The following MAP3K3 variants were observed in gnomAD, a reference collection of about 807,000 sequenced individuals.
MAP3K3 encodes the protein MAP/ERK kinase kinase 3.
MAP3K3 carries 12 observed loss-of-function variants against 80.9 expected under a neutral mutation model. The ratio of observed to expected loss-of-function variants is 0.15; its 90% CI spans 0.10 to 0.24. MAP3K3 has a LOEUF of 0.24. MAP3K3 is among the 10% of genes least tolerant of loss of function. The pLI is 1.00. For synonymous variants in MAP3K3, 272 were observed against 307.1 expected (o/e 0.89, Z 1.19); for missense variants, 596 against 834.7 (o/e 0.71, Z 3.52).
intron 5 of MAP3K3, among the ~76,000 whole-genome samples, chr17:63,663,968 C>T (rs991747833): frequency 1.1e-4 from 16 of 152,228 alleles, no homozygotes; most frequent in African/African-American, 3.9e-4. Context: ...TTAGGCCGGG[C>T]GCGGTGGCTC....
chr17:63,650,790 C>T (rs1454026466), intron 3 of MAP3K3, among the ~76,000 whole-genome samples: 1 of 151,276 alleles, frequency 6.6e-6, no homozygotes, highest in African/African-American at 2.4e-5. Context: ...CTCCTGGGCT[C>T]AAGTGATCCT....
chr17:63,645,975 A>G (rs754128532), intron 2 of MAP3K3, 59 bp from the exon 3 acceptor site: 16 of 1,407,914 alleles, frequency 1.1e-5, no homozygotes, highest in Admixed American at 3.4e-5. Flanking sequence ...TTACTTGGCA[A>G]TGGCAGGAGT....
chr17:63,660,511 CTG>C (rs1248464550), intron 5 of MAP3K3, among the ~76,000 whole-genome samples: 1 of 151,950 alleles, frequency 6.6e-6, no homozygotes. Flanking sequence ...CCATACCTGG[CTG>C]TTTCTCTTCT....
At chr17:63,683,879 G>A (rs571561880) in intron 7 of MAP3K3, among the ~76,000 whole-genome samples, 4 of 152,196 alleles carry the variant, frequency 2.6e-5, no homozygotes, top group East Asian at 3.9e-4. Context: ...ATGTCAGTCC[G>A]GTCGCAGTGG....
Position 63,693,813 on chromosome 17 carries a change from C to A in MAP3K3, c.*36C>A. 6.4e-7 allele frequency: 1 copy of A among 1,557,636 alleles called. No individual in the cohort carries two copies. Among genetic ancestry groups the A allele is most frequent in the East Asian group, 2.3e-5 (1 of 42,580 alleles). On this transcript the variant is annotated 3_prime_UTR_variant, in exon 16 of 16. Transcript: ENST00000361733. The surrounding 1 kb of genome is among the most constrained non-coding windows in gnomAD (Gnocchi z 4.2). The stretch of plus-strand genomic sequence containing the variant: ...CCACACAGCTGCCGGTCGCCCTTTG[C>A]TGCATGGCAGGGGGCTGCTGCTGGG...
At chr17:63,678,909 A>G (rs1286653366) in intron 6 of MAP3K3, among the ~76,000 whole-genome samples, 1 of 152,152 alleles carries the variant, frequency 6.6e-6, no homozygotes, top group Non-Finnish European at 1.5e-5. Context: ...GGCCACCTGT[A>G]ATCCCAGCTA....
chr17:63,690,242 C>G (rs373116535), intron 11 of MAP3K3, 22 bp from the exon 12 acceptor site: 1 of 1,608,300 alleles, frequency 6.2e-7, no homozygotes, highest in African/African-American at 1.3e-5. Context: ...CAAAGTAACT[C>G]TTTCCTTCTG....
At position 63,681,810 on chromosome 17, in the gene MAP3K3, C is replaced by T; in HGVS notation, c.547C>T (p.Pro183Ser). Residue 183 changes from proline (P) to serine (S), a missense_variant, in exon 7 of 16, where the codon CCT becomes TCT. Physicochemically the swap from Pro to Ser is moderately conservative, Grantham distance 74. Around this residue, in one of 2 missense-constraint regions of MAP3K3, gnomAD observed 232 missense variants for 245.8 expected, o/e 0.94. Transcript: ENST00000361733. ...GRSSPPPGYV[P>S]ERQQHIARQG... is the part of the protein sequence containing the mutation. ...AAGCTCACCTCCCCCTGGCTATGTT[C>T]CTGAGCGGCAGCAGCACATTGCCCG... is the stretch of plus-strand genomic sequence containing the variant. The T allele has an allele frequency of 6.5e-7, 1 of 1,549,480 alleles. No individual in the cohort carries two copies. The highest frequency in any genetic ancestry group is 8.7e-7 in the Non-Finnish European group (1 of 1,143,976).
chr17:63,689,372 C>T lies in MAP3K3; in HGVS notation c.872-172C>T. ...GGACAGCAGCCTCTGTGGAATGAGT[C>T]AGGTGGGAGTGCGGACGGGATGGGC... On this transcript the variant is annotated intron_variant, in intron 10 of 15. Transcript: ENST00000361733. The surrounding 1 kb of genome is among the most constrained non-coding windows in gnomAD (Gnocchi z 4.3). 3 of 601,376 alleles carry T rather than the reference C, an allele frequency of 5.0e-6. No homozygotes were observed. Among genetic ancestry groups the T allele is most frequent in the Non-Finnish European group, 8.8e-6 (3 of 340,206 alleles). The allele number at this position is 601,376 out of a possible 1,614,324, so 37.3% of individuals were successfully genotyped here. A position where few individuals can be genotyped will look rare whatever the true frequency, so the allele number is the denominator to read the frequency against.
intron 5 of MAP3K3, among the ~76,000 whole-genome samples, chr17:63,664,504 G>A (rs1055862692): frequency 2.0e-5 from 3 of 152,086 alleles, no homozygotes; most frequent in South Asian, 2.1e-4. Flanking sequence ...TCCCTGCATC[G>A]TTGAATCCAC....
In MAP3K3 at chr17:63,681,908, A is replaced by AG. The variant is rs2035346118; in HGVS notation, c.636+15dup. Reference sequence around the variant, plus strand: ...AGACCAGCGAGCAGTGCGTGAGTATAGGGGGGCTGGGATATGCCTGTGGCC... The same window carrying AG: ...AGACCAGCGAGCAGTGCGTGAGTATAGGGGGGGCTGGGATATGCCTGTGGCC... On this transcript the variant is annotated intron_variant, in intron 7 of 15. Transcript: ENST00000361733. The AG allele has an allele frequency of 1.1e-5, 15 of 1,402,702 alleles. No individual in the cohort carries two copies. Among genetic ancestry groups the AG allele is most frequent in the Non-Finnish European group, 1.4e-5 (15 of 1,064,508 alleles). 86.9% of individuals were successfully genotyped at this position (1,402,702 alleles called of 1,614,324 possible).
At chr17:63,657,947 GC>G (rs2034806631) in intron 5 of MAP3K3, 40 bp downstream of exon 5, 2 of 1,215,294 alleles carry the variant, frequency 1.6e-6, no homozygotes, top group African/African-American at 3.0e-5. Context: ...TGAAGACAAA[GC>G]TTGCTTTCCT....
intron 6 of MAP3K3, among the ~76,000 whole-genome samples, chr17:63,674,301 G>A (rs1298936960): frequency 1.3e-5 from 2 of 151,844 alleles, no homozygotes; most frequent in Middle Eastern, 3.4e-3. Context: ...GCAGTGGTGC[G>A]TACCTGTAAT....
intron 2 of MAP3K3, among the ~76,000 whole-genome samples, chr17:63,641,933 C>T (rs2034451380): frequency 6.6e-6 from 1 of 152,164 alleles, no homozygotes; most frequent in African/African-American, 2.4e-5. Flanking sequence ...GATAGAGTCA[C>T]AGAAGTTGGA....
rs1009976119 is a variant in MAP3K3 at position 63,692,324 on chromosome 17, G to T, written c.1557G>T (p.Met519Ile). ...GCAAACGCCTGCAGACGATCTGTAT[G>T]TCGGGGACGGGCATGCGCTCCGTCA... Reference protein sequence around the residue: ...GASKRLQTICMSGTGMRSVTG... With the variant: ...GASKRLQTICISGTGMRSVTG... Residue 519 changes from methionine (M) to isoleucine (I), a missense_variant, in exon 15 of 16, where the codon ATG becomes ATT. Physicochemically the swap from Met to Ile is conservative, Grantham distance 10 (BLOSUM62 1). Coordinates refer to ENST00000361733, the MANE Select transcript of MAP3K3 (RefSeq NM_002401.5). The surrounding 1 kb of genome is among the most constrained non-coding windows in gnomAD (Gnocchi z 4.5). The T allele has an allele frequency of 1.9e-6, 3 of 1,613,854 alleles. No individual in the cohort carries two copies. The African/African-American group carries it at 4.0e-5, about 22-fold the overall frequency.
intron 8 of MAP3K3, among the ~76,000 whole-genome samples, chr17:63,687,933 CAA>C (rs774512741): frequency 2.2e-5 from 3 of 137,146 alleles, no homozygotes; most frequent in Admixed American, 7.4e-5. Flanking sequence ...GACTCCATCT[CAA>C]AAAAAAAAAA....
At chr17:63,624,020 A>G (rs918300707) in intron 1 of MAP3K3, among the ~76,000 whole-genome samples, 5 of 152,182 alleles carry the variant, frequency 3.3e-5, no homozygotes, top group Non-Finnish European at 5.9e-5. Flanking sequence ...GCTGTCCCTC[A>G]TACAGTATGA....
intron 2 of MAP3K3, among the ~76,000 whole-genome samples, chr17:63,641,615 G>T (rs1402446417): frequency 6.6e-6 from 1 of 152,176 alleles, no homozygotes; most frequent in African/African-American, 2.4e-5. Flanking sequence ...CTAGGAAGTT[G>T]TAGAGCCAAG....
chr17:63,682,229 C>T (rs1198779364), intron 7 of MAP3K3: 12 of 196,848 alleles, frequency 6.1e-5, no homozygotes, highest in Non-Finnish European at 1.2e-4. Flanking sequence ...TTTTAACATA[C>T]GACTGGTTCT....
Sources: gnomAD v4.1 joint callset for allele counts (sites outside exome capture counted in the v4.1 genomes callset) on GRCh38, gnomAD v4.1.1 for gene constraint, gnomAD v4.1.1 regional missense constraint, Gnocchi (gnomAD v3.1) non-coding constraint, MANE v1.5 for transcripts, NCBI Gene and HGNC (gene_info 2026-07-23, HGNC 2026-07-21) for gene names.